ANKRD11: variants seen among roughly 807,000 people sequenced by gnomAD.
ANKRD11 encodes ankyrin repeat domain-containing protein 11.
Under a neutral mutation model 195.7 loss-of-function variants are expected in ANKRD11, and 17 were observed. That is an observed-to-expected ratio of 0.09 (90% CI 0.06 to 0.13). The LOEUF (loss-of-function observed/expected upper bound fraction) is 0.13. ANKRD11 is among the 10% of genes least tolerant of loss of function. The pLI is 1.00. For synonymous variants in ANKRD11, 1,953 were observed against 1,528.1 expected (o/e 1.28, Z -6.49); for missense variants, 3,735 against 3,566.1 (o/e 1.05, Z -1.21).
At chr16:89,428,070 T>C (rs2042795183) in intron 1 of ANKRD11, among the ~76,000 whole-genome samples, 1 of 149,940 alleles carries the variant, frequency 6.7e-6, no homozygotes. Context: ...TAGCCAGACA[T>C]GGTGGCGCGC....
At chr16:89,467,467 G>T (rs1310838882) in intron 1 of ANKRD11, among the ~76,000 whole-genome samples, 2 of 152,140 alleles carry the variant, frequency 1.3e-5, no homozygotes, top group Non-Finnish European at 2.9e-5. Flanking sequence ...GGCTCAAGTG[G>T]CCATCCAGCC....
intron 1 of ANKRD11, among the ~76,000 whole-genome samples, chr16:89,423,566 C>A (rs2152247937): frequency 6.6e-6 from 1 of 152,300 alleles, no homozygotes; most frequent in African/African-American, 2.4e-5. Context: ...TTAGAGTTAA[C>A]CTGAAAGCAC....
At chr16:89,489,409 G>T (rs903277988) in intron 1 of ANKRD11, among the ~76,000 whole-genome samples, 2 of 20,134 alleles carry the variant, frequency 9.9e-5, no homozygotes, top group African/African-American at 4.1e-4. Flanking sequence ...CCCCACACCC[G>T]CCCGCCTACC....
At chr16:89,387,326 G>C (rs1227579242) in intron 2 of ANKRD11, among the ~76,000 whole-genome samples, 3 of 152,072 alleles carry the variant, frequency 2.0e-5, no homozygotes, top group Non-Finnish European at 2.9e-5. Context: ...GGGGACAGCA[G>C]AGGGATAGTC....
At chr16:89,392,141 G>C (rs1486876668) in intron 2 of ANKRD11, among the ~76,000 whole-genome samples, 2 of 152,144 alleles carry the variant, frequency 1.3e-5, no homozygotes, top group African/African-American at 4.8e-5. Flanking sequence ...ACAGCAGTTG[G>C]TATAAAAAAA....
intron 7 of ANKRD11, chr16:89,286,481 C>T (rs975388356): frequency 7.5e-6 from 4 of 535,328 alleles, no homozygotes; most frequent in Non-Finnish European, 1.2e-5. Context: ...CACCATTTCT[C>T]CGTTGCCGCA....
At chr16:89,311,611 C>A (rs1051859136) in intron 3 of ANKRD11, among the ~76,000 whole-genome samples, 2 of 152,188 alleles carry the variant, frequency 1.3e-5, no homozygotes, top group Non-Finnish European at 2.9e-5. Flanking sequence ...CATCTAAGAA[C>A]TAAAACTATC....
At chr16:89,421,137 A>G (rs184549) in intron 1 of ANKRD11, among the ~76,000 whole-genome samples, 334 of 116,364 alleles carry the variant, frequency 2.9e-3, no homozygotes, top group Middle Eastern at 0.019. Flanking sequence ...ACGAAGGGTC[A>G]GTGTGTGATG....
intron 4 of ANKRD11, among the ~76,000 whole-genome samples, chr16:89,294,318 G>C (rs914141946): frequency 2.6e-5 from 4 of 152,148 alleles, no homozygotes; most frequent in African/African-American, 9.7e-5. Flanking sequence ...CTCAGGAAAA[G>C]CTTGCTCCCA....
chr16:89,357,200 G>C (rs2039524192), intron 2 of ANKRD11, among the ~76,000 whole-genome samples: 1 of 152,204 alleles, frequency 6.6e-6, no homozygotes, highest in Admixed American at 6.5e-5. Context: ...AAGATGAGTG[G>C]GGTTGGGGGC....
chr16:89,335,275 C>T (rs2038291664), intron 2 of ANKRD11, among the ~76,000 whole-genome samples: 1 of 152,194 alleles, frequency 6.6e-6, no homozygotes, highest in Non-Finnish European at 1.5e-5. Context: ...CCAGAAGAGG[C>T]CAGTGCACCC....
chr16:89,290,246 G>GAT lies in ANKRD11; in HGVS notation c.601+378_601+379insAT, dbSNP rs1567591051. Among the ~76,000 whole-genome samples, 128 of 25,600 alleles carry GAT rather than the reference G, an allele frequency of 5.0e-3. 10 individuals are homozygous for GAT. Among genetic ancestry groups the GAT allele is most frequent in the Non-Finnish European group, 0.017 (96 of 5,818 alleles). The allele number at this position is 25,600 out of a possible 152,430, so 16.8% of individuals were successfully genotyped here. ...AATGGGGGAGGCTCAGGGCTCCAGCGGGGGGTAGGCTCAGGGCTCCAATGG... is the reference window on the plus strand; with the variant it reads ...AATGGGGGAGGCTCAGGGCTCCAGCGATGGGGGTAGGCTCAGGGCTCCAATGG... On this transcript the variant is annotated intron_variant, in intron 6 of 12. Coordinates refer to ENST00000301030, the MANE Select transcript of ANKRD11 (RefSeq NM_013275.6).
At chr16:89,345,506 A>G (rs1274762148) in intron 2 of ANKRD11, among the ~76,000 whole-genome samples, 2 of 152,232 alleles carry the variant, frequency 1.3e-5, no homozygotes, top group African/African-American at 4.8e-5. Flanking sequence ...CAGGCCCTCC[A>G]GTGGCCCCAG....
chr16:89,455,166 G>A (rs1489555421), intron 1 of ANKRD11, among the ~76,000 whole-genome samples: 2 of 136,316 alleles, frequency 1.5e-5, no homozygotes, highest in Non-Finnish European at 3.2e-5. Context: ...TCCTCAAGCT[G>A]CTCCCCTGGG....
At chr16:89,420,198 C>G (rs1307662809) in intron 1 of ANKRD11, 1 of 152,216 alleles carries the variant, frequency 6.6e-6, no homozygotes, top group Non-Finnish European at 1.5e-5. Flanking sequence ...TAAAAGAGCT[C>G]AGAGAGGGGA....
intron 9 of ANKRD11, 28 bp from the exon 10 acceptor site, chr16:89,275,219 T>A: frequency 6.4e-7 from 1 of 1,573,238 alleles, no homozygotes; most frequent in Admixed American, 1.8e-5. Flanking sequence ...GTGTGGGGGG[T>A]CAGCTGGGGC....
intron 7 of ANKRD11, chr16:89,286,660 G>C: frequency 8.1e-7 from 1 of 1,229,330 alleles, no homozygotes; most frequent in Non-Finnish European, 1.0e-6. Flanking sequence ...CAAAGACCAA[G>C]TTTCTGCAAG....
intron 2 of ANKRD11, among the ~76,000 whole-genome samples, chr16:89,398,082 C>G (rs984301797): frequency 2.0e-5 from 3 of 151,412 alleles, no homozygotes; most frequent in Admixed American, 1.3e-4. Flanking sequence ...TGTGAAACAG[C>G]TGAAGATTAC....
At chr16:89,349,081 T>C (rs2039073877) in intron 2 of ANKRD11, among the ~76,000 whole-genome samples, 1 of 120,998 alleles carries the variant, frequency 8.3e-6, no homozygotes, top group Non-Finnish European at 1.6e-5. Context: ...TGAGTCTAGA[T>C]GGCACCACTG....
Sources: gnomAD v4.1 joint callset for allele counts (sites outside exome capture counted in the v4.1 genomes callset) on GRCh38, gnomAD v4.1.1 for gene constraint, MANE v1.5 for transcripts, NCBI Gene and HGNC (gene_info 2026-07-23, HGNC 2026-07-21) for gene names.